ATP2B2: variants seen among roughly 807,000 people sequenced by gnomAD.
ATP2B2 encodes plasma membrane calcium-transporting ATPase 2.
In ATP2B2, 15 loss-of-function variants were observed where a neutral mutation model predicts 120.0. The observed-to-expected ratio is 0.12, with a 90% CI of 0.08 to 0.19. The LOEUF is 0.19. ATP2B2 is among the 10% of genes least tolerant of loss of function. ATP2B2 has a pLI of 1.00. For synonymous variants in ATP2B2, 694 were observed against 700.3 expected (o/e 0.99, Z 0.14); for missense variants, 1,045 against 1,719.8 (o/e 0.61, Z 6.94).
chr3:10,675,902 A>G (rs1011556150), intron 1 of ATP2B2, among the ~76,000 whole-genome samples: 5 of 152,292 alleles, frequency 3.3e-5, no homozygotes, highest in Non-Finnish European at 7.4e-5. Flanking sequence ...ACAAGTGCCA[A>G]TTCCTCAGAG....
chr3:10,594,226 CA>C (rs978060169), intron 2 of ATP2B2, among the ~76,000 whole-genome samples: 154 of 152,232 alleles, frequency 1.0e-3, no homozygotes, highest in African/African-American at 3.5e-3. Flanking sequence ...GGTATATACC[CA>C]AAAGATTATA....
intron 1 of ATP2B2, among the ~76,000 whole-genome samples, chr3:10,683,005 C>T: frequency 6.6e-6 from 1 of 152,140 alleles, no homozygotes. Flanking sequence ...GGGTAAAAGA[C>T]AGGGACATAA....
upstream of ATP2B2, among the ~76,000 whole-genome samples, chr3:10,507,073 G>T (rs148844733): frequency 7.9e-3 from 1,197 of 152,260 alleles, 20 homozygotes; most frequent in African/African-American, 0.027. Flanking sequence ...CCCTTAGCCC[G>T]CAGGGTGGCC....
At chr3:10,408,453 G>A (rs2125006968) in intron 3 of ATP2B2, among the ~76,000 whole-genome samples, 1 of 152,262 alleles carries the variant, frequency 6.6e-6, no homozygotes, top group South Asian at 2.1e-4. Context: ...CTCAGGCCAG[G>A]GCGTGGGCTT....
chr3:10,686,133 T>C (rs1198763140), intron 1 of ATP2B2, among the ~76,000 whole-genome samples: 2 of 146,790 alleles, frequency 1.4e-5, no homozygotes, highest in Admixed American at 7.0e-5. Flanking sequence ...CTGAAGCATA[T>C]AGGGTGGAAA....
chr3:10,499,341 G>A (rs1341813542), intron 1 of ATP2B2, among the ~76,000 whole-genome samples: 1 of 152,184 alleles, frequency 6.6e-6, no homozygotes, highest in Non-Finnish European at 1.5e-5. Context: ...TGACAACCGG[G>A]AAGATGGGTG....
At chr3:10,676,873 C>G (rs951087951) in intron 1 of ATP2B2, among the ~76,000 whole-genome samples, 1 of 152,144 alleles carries the variant, frequency 6.6e-6, no homozygotes, top group African/African-American at 2.4e-5. Context: ...ATGGTACAAA[C>G]CTAGTAGAAT....
At chr3:10,420,970 A>C (rs557401880) in intron 2 of ATP2B2, among the ~76,000 whole-genome samples, 9 of 152,310 alleles carry the variant, frequency 5.9e-5, no homozygotes, top group African/African-American at 2.2e-4. Context: ...AATGTGCAGC[A>C]GGGGATGAAA....
intron 2 of ATP2B2, among the ~76,000 whole-genome samples, chr3:10,536,118 A>G (rs548676000): frequency 2.0e-5 from 3 of 152,288 alleles, no homozygotes; most frequent in African/African-American, 4.8e-5. Flanking sequence ...CATTTCCCTA[A>G]TGACTAATGA....
intron 2 of ATP2B2, among the ~76,000 whole-genome samples, chr3:10,419,816 G>T (rs2062912960): frequency 6.6e-6 from 1 of 152,208 alleles, no homozygotes; most frequent in East Asian, 1.9e-4. Context: ...TGATCTAGTT[G>T]GGGGTAGGCT....
intron 1 of ATP2B2, among the ~76,000 whole-genome samples, chr3:10,479,522 T>C (rs2065325047): frequency 1.3e-5 from 2 of 152,012 alleles, no homozygotes; most frequent in Admixed American, 1.3e-4. Flanking sequence ...TGTGTGACTG[T>C]TGGATTGTTT....
intron 22 of ATP2B2, among the ~76,000 whole-genome samples, chr3:10,334,393 G>A (rs2060061514): frequency 6.6e-6 from 1 of 152,206 alleles, no homozygotes; most frequent in Non-Finnish European, 1.5e-5. Context: ...CTCAGGATAG[G>A]TGGGGGTGCT....
At chr3:10,630,456 T>C (rs1388339727) in intron 1 of ATP2B2, among the ~76,000 whole-genome samples, 1 of 152,176 alleles carries the variant, frequency 6.6e-6, no homozygotes, top group African/African-American at 2.4e-5. Flanking sequence ...GTTTGCTGAG[T>C]ATAATGGCTT....
At chr3:10,406,695 C>T (rs751809941) in intron 3 of ATP2B2, among the ~76,000 whole-genome samples, 15 of 152,184 alleles carry the variant, frequency 9.9e-5, no homozygotes, top group South Asian at 2.1e-4. Flanking sequence ...TGTCGTTAAG[C>T]GACACATGAC....
intron 3 of ATP2B2, among the ~76,000 whole-genome samples, chr3:10,520,779 T>C (rs1235979221): frequency 6.6e-6 from 1 of 152,078 alleles, no homozygotes; most frequent in Admixed American, 6.5e-5. Context: ...TTCTTTTTTT[T>C]CTTTGCCTAC....
intron 2 of ATP2B2, among the ~76,000 whole-genome samples, chr3:10,612,849 C>T (rs1356022205): frequency 1.3e-5 from 2 of 152,352 alleles, no homozygotes; most frequent in Non-Finnish European, 2.9e-5. Flanking sequence ...CTTTGACAGG[C>T]TTTCATCCCT....
chr3:10,537,076 G>A (rs1430853019), intron 2 of ATP2B2, among the ~76,000 whole-genome samples: 3 of 152,016 alleles, frequency 2.0e-5, no homozygotes, highest in Non-Finnish European at 4.4e-5. Context: ...TTCTTTCTGG[G>A]TCATCTACTC....
Position 10,673,637 on chromosome 3 carries a change from C to G in ATP2B2, c.-460+34278G>C, listed in dbSNP as rs1439248551. On this transcript the variant is annotated intron_variant, in intron 1 of 21. Transcript: ENST00000646379. ...CAACATAGCAAGACCTCGTCTCTAC[C>G]AAAAATAGAAACAAATTAGCCAGGT... Among the ~76,000 whole-genome samples the G allele has an allele frequency of 2.0e-5, 3 of 151,008 alleles. No homozygotes were observed. The East Asian group carries it at 5.9e-4, about 30-fold the overall frequency.
intron 5 of ATP2B2, among the ~76,000 whole-genome samples, chr3:10,393,553 T>C (rs903454159): frequency 6.6e-6 from 1 of 152,164 alleles, no homozygotes; most frequent in African/African-American, 2.4e-5. Context: ...TGGGAGCTGG[T>C]CTGTGGCTCC....
Sources: allele counts gnomAD v4.1 joint callset (sites outside exome capture counted in the v4.1 genomes callset), GRCh38; gene constraint gnomAD v4.1.1; transcripts MANE v1.5; gene names NCBI Gene and HGNC (gene_info 2026-07-23, HGNC 2026-07-21).